Variants in C1QTNF3 observed in about 807,000 individuals in gnomAD.
C1QTNF3 encodes C1q and TNF related 3.
Under a neutral mutation model 32.6 loss-of-function variants are expected in C1QTNF3, and 26 were observed. The ratio of observed to expected loss-of-function variants is 0.80; its 90% confidence interval spans 0.58 to 1.11. C1QTNF3 has a LOEUF of 1.11. C1QTNF3 is among the 50% of genes least tolerant of loss of function. The probability of loss-of-function intolerance (pLI) is 0.00; values close to 1 mark genes in which losing one functional copy is unlikely to be tolerated. For synonymous variants in C1QTNF3, 155 were observed against 146.0 expected (o/e 1.06, Z -0.44); for missense variants, 362 against 398.2 (o/e 0.91, Z 0.77).
the C1QTNF3 span, among the ~76,000 whole-genome samples, chr5:34,177,753 C>A: frequency 6.6e-6 from 1 of 151,846 alleles, no homozygotes; most frequent in African/African-American, 2.4e-5. Context: ...TCCCAAAGTG[C>A]TGGGATTACA....
the C1QTNF3 span, among the ~76,000 whole-genome samples, chr5:34,157,101 ATTAC>A: frequency 2.6e-3 from 392 of 152,296 alleles, no homozygotes; most frequent in African/African-American, 9.0e-3. Context: ...ATAACAGATA[ATTAC>A]TTAATCGCTG....
At chr5:34,117,217 C>T in the C1QTNF3 span, among the ~76,000 whole-genome samples, 1 of 152,072 alleles carries the variant, frequency 6.6e-6, no homozygotes, top group South Asian at 2.1e-4. Flanking sequence ...TATTAAGTGG[C>T]TATATTCTAG....
the C1QTNF3 span, among the ~76,000 whole-genome samples, chr5:34,049,361 G>A: frequency 6.6e-6 from 1 of 152,166 alleles, no homozygotes; most frequent in East Asian, 1.9e-4. Context: ...CTAGCCTTAG[G>A]ACACAGTGAC....
chr5:34,032,795 C>CA (rs1754647255), intron 3 of C1QTNF3, among the ~76,000 whole-genome samples: 1 of 151,620 alleles, frequency 6.6e-6, no homozygotes, highest in Non-Finnish European at 1.5e-5. Context: ...GACTCTGTTT[C>CA]AAAAAATAAA....
At chr5:34,082,400 G>A in the C1QTNF3 span, among the ~76,000 whole-genome samples, 3 of 151,396 alleles carry the variant, frequency 2.0e-5, no homozygotes, top group Admixed American at 1.3e-4. Flanking sequence ...GCTCTATCTT[G>A]GAGAAGCCTC....
the C1QTNF3 span, among the ~76,000 whole-genome samples, chr5:34,225,627 C>T: frequency 6.6e-6 from 1 of 151,934 alleles, no homozygotes; most frequent in South Asian, 2.1e-4. Context: ...TGATCCATTT[C>T]ACCTTGCTGA....
the C1QTNF3 span, among the ~76,000 whole-genome samples, chr5:34,127,334 A>G: frequency 1.3e-5 from 2 of 152,084 alleles, no homozygotes; most frequent in African/African-American, 4.8e-5. Flanking sequence ...AATAGTTTTG[A>G]TCAAAATGTC....
chr5:34,130,226 G>A, the C1QTNF3 span, among the ~76,000 whole-genome samples: 1 of 151,922 alleles, frequency 6.6e-6, no homozygotes, highest in African/African-American at 2.4e-5. Flanking sequence ...TTAGTGGATA[G>A]GGATGACAAC....
the C1QTNF3 span, among the ~76,000 whole-genome samples, chr5:34,140,066 T>G: frequency 0.039 from 5,922 of 152,266 alleles, 305 homozygotes; most frequent in African/African-American, 0.11. Context: ...CAGGGCACAC[T>G]GTCACAATGG....
chr5:34,060,063 A>G, the C1QTNF3 span, among the ~76,000 whole-genome samples: 1 of 152,144 alleles, frequency 6.6e-6, no homozygotes, highest in African/African-American at 2.4e-5. Flanking sequence ...CTAAAGACAC[A>G]ATCAGTGCAC....
the C1QTNF3 span, among the ~76,000 whole-genome samples, chr5:34,172,066 T>G: frequency 4.6e-5 from 7 of 152,186 alleles, no homozygotes; most frequent in African/African-American, 1.7e-4. Context: ...ATTTAATCTA[T>G]TCCAAAAGAA....
chr5:34,204,615 T>C, the C1QTNF3 span, among the ~76,000 whole-genome samples: 71,325 of 151,422 alleles, frequency 0.47, 19,511 homozygotes, highest in African/African-American at 0.76. Context: ...GAGGAGGGGA[T>C]GATGAGAAAT....
chr5:34,108,736 TACTG>T, the C1QTNF3 span, among the ~76,000 whole-genome samples: 12 of 149,206 alleles, frequency 8.0e-5, no homozygotes, highest in African/African-American at 2.7e-4. Context: ...AAAAATCACT[TACTG>T]AGTCTTTTTA....
chr5:34,041,733 T>A (rs944615428), intron 1 of C1QTNF3, among the ~76,000 whole-genome samples: 1 of 152,034 alleles, frequency 6.6e-6, no homozygotes, highest in African/African-American at 2.4e-5. Context: ...ACAGAATGGT[T>A]TGGGCAACTG....
the C1QTNF3 span, among the ~76,000 whole-genome samples, chr5:34,056,733 ACTCCTGGGCTCAAGTGATCCTCC>A: frequency 6.6e-6 from 1 of 151,498 alleles, no homozygotes; most frequent in East Asian, 2.0e-4. Flanking sequence ...CTAGTCTCAA[ACTCCTGGGCTCAAGTGATCCTCC>A]CACCTGGGCC....
chr5:34,123,484 A>T, the C1QTNF3 span, among the ~76,000 whole-genome samples: 2 of 152,220 alleles, frequency 1.3e-5, no homozygotes, highest in African/African-American at 4.8e-5. Flanking sequence ...GAATAGATTA[A>T]AACAGGCTCT....
Position 34,023,924 on chromosome 5 carries a change from A to T in C1QTNF3, c.785T>A (p.Val262Asp), listed in dbSNP as rs1007837497. The T allele has an allele frequency of 5.6e-6, 9 of 1,613,862 alleles. No individual in the cohort carries two copies. Among genetic ancestry groups the T allele is most frequent in the Non-Finnish European group, 7.6e-6 (9 of 1,179,854 alleles). The change falls in exon 5 of 6, where the codon GTC (valine) becomes GAC (aspartate). Residue 262 changes from valine (V) to aspartate (D), a missense_variant. Transcript: ENST00000382065. ...YVYLMHNGNTVFSMYSYEMKG... is the reference protein window; with the variant it reads ...YVYLMHNGNTDFSMYSYEMKG... ...GACCACCCACCTGTACATGCTGAAG[A>T]CTGTGTTGCCATTGTGCATAAGGTA...
the C1QTNF3 span, among the ~76,000 whole-genome samples, chr5:34,085,462 TTG>T: frequency 6.6e-6 from 1 of 151,374 alleles, no homozygotes; most frequent in African/African-American, 2.5e-5. Flanking sequence ...GACCAGAAGA[TTG>T]TAGATGTGTG....
chr5:34,117,583 G>C, the C1QTNF3 span, among the ~76,000 whole-genome samples: 1 of 151,826 alleles, frequency 6.6e-6, no homozygotes, highest in African/African-American at 2.4e-5. Context: ...ATCACTTGAG[G>C]TCAGGAGTTG....
Sources: gnomAD v4.1 joint callset for allele counts (sites outside exome capture counted in the v4.1 genomes callset) on GRCh38, gnomAD v4.1.1 for gene constraint, MANE v1.5 for transcripts, NCBI Gene and HGNC (gene_info 2026-07-23, HGNC 2026-07-21) for gene names.